AKR1C3: variants seen among roughly 807,000 people sequenced by gnomAD.
The protein encoded by AKR1C3 is 3-alpha hydroxysteroid dehydrogenase, type II.
Under a neutral mutation model 43.6 loss-of-function variants are expected in AKR1C3, and 48 were observed. The observed-to-expected ratio is 1.10, with a 90% CI of 0.87 to 1.40. The LOEUF (loss-of-function observed/expected upper bound fraction) is 1.40, where lower values mean the gene tolerates loss of function less well. Ranked by LOEUF, AKR1C3 falls within the 40% of genes most tolerant of loss-of-function variation. The pLI, the probability that AKR1C3 is intolerant of heterozygous loss-of-function variation, is 0.00. For missense variants in AKR1C3, 482 were observed against 391.2 expected, an observed-to-expected ratio of 1.23 and a Z score of -1.96; for synonymous variants, 162 against 139.6, an observed-to-expected ratio of 1.16 and a Z score of -1.13.
At position 5,102,622 on chromosome 10, in the gene AKR1C3, A is replaced by G. The variant is rs368182129; in HGVS notation, c.818A>G (p.Asn273Ser). The G allele has an allele frequency of 1.2e-4, 179 of 1,497,064 alleles. No individual in the cohort carries two copies. The highest frequency in any genetic ancestry group is 3.4e-4 in the South Asian group (25 of 73,520). The allele number at this position is 1,497,064 out of a possible 1,614,324, so 92.7% of individuals were successfully genotyped here. The change falls in exon 7 of 9, where the codon AAT (asparagine) becomes AGT (serine). Residue 273 changes from asparagine to serine, a missense_variant. Transcript: ENST00000380554. Reference sequence around the variant, plus strand: ...GTTGTGGTCCTGGCCAAGAGCTACAATGAGCAGCGCATCAGACAGAACGTG... The same window carrying G: ...GTTGTGGTCCTGGCCAAGAGCTACAGTGAGCAGCGCATCAGACAGAACGTG... ...RGVVVLAKSY[N>S]EQRIRQNVQV...
chr10:5,098,985 TCAGAAACTTTA>T (rs1271650729), intron 4 of AKR1C3, 106 bp downstream of exon 4: 1 of 996,858 alleles, frequency 1.0e-6, no homozygotes. Context: ...ATCTAGAAAT[TCAGAAACTTTA>T]CAAGAGTAGC....
intron 1 of AKR1C3, among the ~76,000 whole-genome samples, chr10:5,072,239 C>A (rs1838626058): frequency 6.6e-6 from 1 of 152,106 alleles, no homozygotes; most frequent in Non-Finnish European, 1.5e-5. Flanking sequence ...TATATTTGAT[C>A]ACTAAAATAC....
At chr10:5,060,341 T>C (rs558009419) in intron 1 of AKR1C3, among the ~76,000 whole-genome samples, 2 of 152,320 alleles carry the variant, frequency 1.3e-5, no homozygotes, top group East Asian at 1.9e-4. Context: ...GAGAGCCGAT[T>C]GGTCTGTTTT....
chr10:5,066,576 T>G (rs1838506827), intron 1 of AKR1C3, among the ~76,000 whole-genome samples: 2 of 152,284 alleles, frequency 1.3e-5, no homozygotes, highest in Non-Finnish European at 2.9e-5. Context: ...AACGAGACTA[T>G]TATTATGACT....
At chr10:5,098,034 T>C (rs1839253998) in intron 3 of AKR1C3, 5 of 1,000,566 alleles carry the variant, frequency 5.0e-6, no homozygotes, top group Non-Finnish European at 5.9e-6. Flanking sequence ...ATTATTCTGC[T>C]GCCTCTTCTT....
At chr10:5,101,709 C>T (rs1554786012) in intron 5 of AKR1C3, among the ~76,000 whole-genome samples, 1 of 152,110 alleles carries the variant, frequency 6.6e-6, no homozygotes, top group Non-Finnish European at 1.5e-5. Context: ...AGTGACATTT[C>T]TTTGAAAGTA....
At chr10:5,095,064 C>T (rs757363119) in intron 1 of AKR1C3, among the ~76,000 whole-genome samples, 13 of 150,676 alleles carry the variant, frequency 8.6e-5, no homozygotes, top group Non-Finnish European at 1.5e-4. Context: ...AAAGAACTTC[C>T]TGAAAGAAAA....
chr10:5,065,826 A>G (rs1377685853), intron 1 of AKR1C3, among the ~76,000 whole-genome samples: 1 of 152,030 alleles, frequency 6.6e-6, no homozygotes, highest in African/African-American at 2.4e-5. Context: ...TATTTTCTTG[A>G]CTCATTTCCC....
intron 5 of AKR1C3, among the ~76,000 whole-genome samples, chr10:5,101,338 A>T (rs1361249200): frequency 6.6e-6 from 1 of 151,994 alleles, no homozygotes; most frequent in Non-Finnish European, 1.5e-5. Context: ...TGTATTTATT[A>T]TTTTTTGGAG....
chr10:5,071,806 T>C (rs1554781352), intron 1 of AKR1C3, among the ~76,000 whole-genome samples: 1 of 152,218 alleles, frequency 6.6e-6, no homozygotes, highest in African/African-American at 2.4e-5. Flanking sequence ...ACTAATCACA[T>C]GGCCCAAGCA....
chr10:5,097,113 G>A (rs528433960), intron 2 of AKR1C3, among the ~76,000 whole-genome samples: 26 of 152,264 alleles, frequency 1.7e-4, no homozygotes, highest in African/African-American at 5.5e-4. Flanking sequence ...TGAATGGATA[G>A]AAGAATTAGA....
intron 1 of AKR1C3, among the ~76,000 whole-genome samples, chr10:5,078,375 C>T (rs782474029): frequency 2.0e-5 from 3 of 152,142 alleles, no homozygotes; most frequent in South Asian, 2.1e-4. Context: ...ACCTGGGAGG[C>T]GGACGTTGCA....
chr10:5,050,176 G>A (rs4373815), intron 1 of AKR1C3, among the ~76,000 whole-genome samples: 6,029 of 152,184 alleles, frequency 0.04, 413 homozygotes, highest in African/African-American at 0.14. Flanking sequence ...CTGTCAATTC[G>A]GTGTCTTTAC....
chr10:5,099,230 A>G (rs1157294087), intron 4 of AKR1C3, 97 bp from the exon 5 acceptor site: 3 of 1,571,100 alleles, frequency 1.9e-6, no homozygotes, highest in African/African-American at 2.7e-5. Flanking sequence ...TTTCATTGTC[A>G]TACTTTGAAA....
At chr10:5,096,695 T>G in intron 2 of AKR1C3, 118 bp downstream of exon 2, 2 of 1,436,734 alleles carry the variant, frequency 1.4e-6, no homozygotes, top group Non-Finnish European at 1.9e-6. Flanking sequence ...TCAAATTTAT[T>G]CACACATACT....
intron 1 of AKR1C3, among the ~76,000 whole-genome samples, chr10:5,088,756 A>T (rs1839025329): frequency 6.6e-6 from 1 of 151,706 alleles, no homozygotes; most frequent in Non-Finnish European, 1.5e-5. Flanking sequence ...CTTTTATCAA[A>T]TTTTCTGTTC....
intron 1 of AKR1C3, among the ~76,000 whole-genome samples, chr10:5,078,323 G>C (rs1554782043): frequency 6.6e-6 from 1 of 152,132 alleles, no homozygotes; most frequent in African/African-American, 2.4e-5. Flanking sequence ...TGTGCCTGTA[G>C]TCCCCGCTAC....
chr10:5,082,543 A>ATTT lies in AKR1C3; in HGVS notation c.85-13859_85-13857dup, dbSNP rs148160794. On this transcript the variant is annotated intron_variant, in intron 1 of 8. Coordinates refer to the AKR1C3 transcript ENST00000439082. ...AAACTCGGCATCTGTTGGGATGATC[A>ATTT]TTTTTTTTTTGCTTTTAAGTATGTT... is the stretch of plus-strand genomic sequence containing the variant. 1.2e-3 allele frequency among the ~76,000 whole-genome samples: 178 copies of ATTT among 148,566 alleles called. 1 individual carries two copies. Among genetic ancestry groups the ATTT allele is most frequent in the African/African-American group, 4.2e-3 (169 of 40,542 alleles).
chr10:5,088,418 G>A (rs1937905), intron 1 of AKR1C3, among the ~76,000 whole-genome samples: 28,685 of 151,654 alleles, frequency 0.19, 3,641 homozygotes, highest in East Asian at 0.63. Context: ...ATTTATAAGT[G>A]GGGTGTTGAT....
Sources: allele counts gnomAD v4.1 joint callset (sites outside exome capture counted in the v4.1 genomes callset), GRCh38; gene constraint gnomAD v4.1.1; transcripts MANE v1.5; gene names NCBI Gene and HGNC (gene_info 2026-07-23, HGNC 2026-07-21).